The following CNTN4 variants were observed in gnomAD, a reference collection of about 807,000 sequenced individuals.
CNTN4 encodes contactin-4.
CNTN4 carries 77 observed loss-of-function variants against 122.5 expected under a neutral mutation model. The ratio of observed to expected loss-of-function variants is 0.63; its 90% CI spans 0.52 to 0.76. The LOEUF is 0.76. Among genes scored for constraint, CNTN4 ranks in the 30% least tolerant of loss-of-function variants. The probability of loss-of-function intolerance (pLI) is 0.00; values close to 1 mark genes in which losing one functional copy is unlikely to be tolerated. For missense variants in CNTN4, 1,256 were observed against 1,259.1 expected, an observed-to-expected ratio of 1.00 and a Z score of 0.04; for synonymous variants, 512 against 447.0, an observed-to-expected ratio of 1.15 and a Z score of -1.83.
intron 6 of CNTN4, among the ~76,000 whole-genome samples, chr3:2,802,780 A>T (rs917435696): frequency 2.0e-5 from 3 of 152,206 alleles, no homozygotes; most frequent in African/African-American, 7.2e-5. Flanking sequence ...ACCCGGCAGT[A>T]TGGTGCTGAG....
At chr3:2,778,876 T>G (rs2091455668) in intron 6 of CNTN4, among the ~76,000 whole-genome samples, 1 of 152,228 alleles carries the variant, frequency 6.6e-6, no homozygotes, top group Admixed American at 6.5e-5. Flanking sequence ...ATTATACTGT[T>G]AAGGACTGTC....
intron 6 of CNTN4, among the ~76,000 whole-genome samples, chr3:2,805,514 G>A (rs2150095514): frequency 6.6e-6 from 1 of 152,274 alleles, no homozygotes; most frequent in African/African-American, 2.4e-5. Flanking sequence ...GAAACCCAGA[G>A]CATGAGTAGT....
At chr3:2,523,058 A>G (rs2077276648) in intron 3 of CNTN4, among the ~76,000 whole-genome samples, 1 of 152,066 alleles carries the variant, frequency 6.6e-6, no homozygotes, top group South Asian at 2.1e-4. Context: ...TTATTTAAAG[A>G]TATGTGAAGT....
chr3:2,219,614 T>G (rs560951005), intron 2 of CNTN4, among the ~76,000 whole-genome samples: 1 of 152,302 alleles, frequency 6.6e-6, no homozygotes, highest in South Asian at 2.1e-4. Flanking sequence ...CTTGAAAGAA[T>G]CTTTAATTTA....
At chr3:2,388,156 G>C (rs193056555) in intron 3 of CNTN4, among the ~76,000 whole-genome samples, 1 of 152,290 alleles carries the variant, frequency 6.6e-6, no homozygotes, top group Non-Finnish European at 1.5e-5. Flanking sequence ...AAGTGGGGAA[G>C]TTTCATGCTG....
rs199722823 is a variant in CNTN4 at position 2,571,471 on chromosome 3, A to C, written c.-33A>C. On this transcript the variant is annotated 5_prime_UTR_variant, in exon 4 of 25. Transcript: ENST00000418658. ...AGCAATTCTATTCGCTTGTTATTGG[A>C]CTTGAAACTCCCTTTGACCTCGGAA... 3.1e-5 allele frequency: 48 copies of C among 1,540,492 alleles called. No individual in the cohort carries two copies. The highest frequency in any genetic ancestry group is 4.3e-5 in the Non-Finnish European group (48 of 1,113,064).
chr3:2,902,766 G>C, intron 11 of CNTN4, 110 bp from the exon 12 acceptor site: 1 of 1,141,140 alleles, frequency 8.8e-7, no homozygotes, highest in Non-Finnish European at 1.3e-6. Flanking sequence ...TTGCTTATAT[G>C]ATGGCTGTTT....
intron 2 of CNTN4, among the ~76,000 whole-genome samples, chr3:2,252,564 T>A (rs1405160201): frequency 6.6e-6 from 1 of 152,084 alleles, no homozygotes; most frequent in Admixed American, 6.6e-5. Flanking sequence ...TAACTCTTAC[T>A]ACTATTTCAT....
At chr3:2,348,181 A>G (rs542365776) in intron 3 of CNTN4, among the ~76,000 whole-genome samples, 1 of 152,314 alleles carries the variant, frequency 6.6e-6, no homozygotes, top group East Asian at 1.9e-4. Context: ...AAGGTCACAT[A>G]TCAGTTTTTG....
At chr3:2,646,225 T>TATCTGGTC (rs543831357) in intron 4 of CNTN4, among the ~76,000 whole-genome samples, 148 of 152,322 alleles carry the variant, frequency 9.7e-4, no homozygotes, top group Non-Finnish European at 1.8e-3. Flanking sequence ...TCAGACATGG[T>TATCTGGTC]ATCTGGTCTG....
chr3:2,352,326 T>C, intron 3 of CNTN4, among the ~76,000 whole-genome samples: 1 of 152,168 alleles, frequency 6.6e-6, no homozygotes, highest in Non-Finnish European at 1.5e-5. Flanking sequence ...GCCGCTGCAC[T>C]GTGGGAGCCC....
chr3:2,263,302 TAATG>T (rs751230857), intron 2 of CNTN4, among the ~76,000 whole-genome samples: 1 of 152,114 alleles, frequency 6.6e-6, no homozygotes, highest in Non-Finnish European at 1.5e-5. Context: ...GTCAGCAAAA[TAATG>T]AATAAATATT....
intron 4 of CNTN4, among the ~76,000 whole-genome samples, chr3:2,719,821 G>A (rs985550085): frequency 3.2e-4 from 49 of 152,242 alleles, no homozygotes; most frequent in African/African-American, 1.2e-3. Flanking sequence ...TTCTCTCAAA[G>A]ACCTTCCAGA....
chr3:2,918,179 A>C (rs934732008), intron 12 of CNTN4, among the ~76,000 whole-genome samples: 5 of 152,204 alleles, frequency 3.3e-5, no homozygotes, highest in Non-Finnish European at 5.9e-5. Flanking sequence ...CATTGCATAA[A>C]CATAGCTCTT....
At chr3:2,836,327 G>T (rs2093225142) in intron 7 of CNTN4, among the ~76,000 whole-genome samples, 1 of 152,118 alleles carries the variant, frequency 6.6e-6, no homozygotes, top group Non-Finnish European at 1.5e-5. Flanking sequence ...AAGACAAGAT[G>T]AAAAGCTACC....
At chr3:2,363,308 T>C (rs932166516) in intron 3 of CNTN4, among the ~76,000 whole-genome samples, 7 of 152,232 alleles carry the variant, frequency 4.6e-5, no homozygotes, top group African/African-American at 1.7e-4. Context: ...GCTAAGCCTG[T>C]CACCTCTCTT....
intron 12 of CNTN4, among the ~76,000 whole-genome samples, chr3:2,924,962 G>A (rs567510250): frequency 2.1e-4 from 32 of 152,036 alleles, no homozygotes; most frequent in South Asian, 1.0e-3. Context: ...ATCTTATGGC[G>A]TTCCTAATTT....
At chr3:2,959,129 G>A (rs1051728271) in intron 13 of CNTN4, among the ~76,000 whole-genome samples, 1 of 152,124 alleles carries the variant, frequency 6.6e-6, no homozygotes. Flanking sequence ...AAGCACTTAA[G>A]GTTAGCTATA....
intron 3 of CNTN4, among the ~76,000 whole-genome samples, chr3:2,353,341 G>A (rs1161660847): frequency 6.6e-6 from 1 of 152,176 alleles, no homozygotes; most frequent in African/African-American, 2.4e-5. Flanking sequence ...CCAATCATCA[G>A]GATGTGGGTG....
Sources: allele counts gnomAD v4.1 joint callset (sites outside exome capture counted in the v4.1 genomes callset), GRCh38; gene constraint gnomAD v4.1.1; transcripts MANE v1.5; gene names NCBI Gene and HGNC (gene_info 2026-07-23, HGNC 2026-07-21).